Variants in ZNF208 observed in about 807,000 individuals in gnomAD.
The protein encoded by ZNF208 is zinc finger protein 95.
A neutral mutation model predicts 12.1 loss-of-function variants in ZNF208; 10 were observed. That is an observed-to-expected ratio of 0.83 (90% confidence interval 0.51 to 1.40). ZNF208 has a LOEUF of 1.40. Ranked by LOEUF, ZNF208 falls within the 40% of genes most tolerant of loss-of-function variation. ZNF208 has a pLI of 0.00. For synonymous variants in ZNF208, 497 were observed against 488.4 expected (o/e 1.02, Z -0.23); for missense variants, 1,652 against 1,485.0 (o/e 1.11, Z -1.85).
intron 4 of ZNF208, among the ~76,000 whole-genome samples, chr19:21,941,701 A>G (rs1164628272): frequency 6.6e-6 from 1 of 152,162 alleles, no homozygotes; most frequent in Non-Finnish European, 1.5e-5. Flanking sequence ...AGAAGAGTCA[A>G]TTGTATTTGT....
rs1404363847 is a variant in ZNF208, at chr19:21,971,646, T to C, written c.3388A>G (p.Lys1130Glu). 7.4e-6 allele frequency: 12 copies of C among 1,611,132 alleles called. No individual in the cohort carries two copies. The highest frequency in any genetic ancestry group is 3.3e-5 in the Admixed American group (2 of 59,750). The stretch of plus-strand genomic sequence containing the variant: ...TCTCCAGTATGAATTACCTTATGTT[T>C]AGTAAGGATTGAGAACGTACTAAAG... Reference protein sequence around the residue: ...KSFSTFSILTKHKVIHTGEKP... With the variant: ...KSFSTFSILTEHKVIHTGEKP... The change falls in exon 4 of 4, where the codon AAA (lysine) becomes GAA (glutamate). Residue 1130 changes from lysine (K) to glutamate (E), a missense_variant. Coordinates refer to ENST00000397126, the MANE Select transcript of ZNF208 (RefSeq NM_007153.3).
chr19:21,946,017 T>A (rs1242224167), intron 4 of ZNF208, among the ~76,000 whole-genome samples: 1 of 152,126 alleles, frequency 6.6e-6, no homozygotes, highest in Non-Finnish European at 1.5e-5. Flanking sequence ...AGATAAAAAT[T>A]TGCACACACC....
At chr19:21,998,960 T>C (rs889833878) in intron 1 of ZNF208, 2 of 151,848 alleles carry the variant, frequency 1.3e-5, no homozygotes, top group African/African-American at 2.4e-5. Context: ...GTCTTTGTCC[T>C]GTAATAGTAG....
intron 4 of ZNF208, among the ~76,000 whole-genome samples, chr19:21,948,055 G>A (rs1417736059): frequency 6.6e-6 from 1 of 152,128 alleles, no homozygotes; most frequent in Non-Finnish European, 1.5e-5. Context: ...AAGGAAGGTC[G>A]AGAAGTGGTA....
Position 21,989,723 on chromosome 19 carries a change from T to C in ZNF208, c.4-814A>G, listed in dbSNP as rs936546969. 2.0e-5 allele frequency among the ~76,000 whole-genome samples: 3 copies of C among 152,206 alleles called. No individual in the cohort carries two copies. The East Asian group carries it at 5.8e-4, about 29-fold the overall frequency. ...AACAGTGTAAAAGTGTTCCTATTTC[T>C]CCACATCCTCTCCAGCACCTGTTGT... On this transcript the variant is annotated intron_variant, in intron 1 of 3. Coordinates refer to ENST00000397126, the MANE Select transcript of ZNF208 (RefSeq NM_007153.3).
At chr19:21,985,054 TG>T (rs75943549) in intron 3 of ZNF208, among the ~76,000 whole-genome samples, 30,190 of 152,088 alleles carry the variant, frequency 0.2, 3,548 homozygotes, top group African/African-American at 0.32. Flanking sequence ...ATAAATATAC[TG>T]GAATATCACT....
At chr19:21,960,533 G>A (rs1385545360) in intron 4 of ZNF208, among the ~76,000 whole-genome samples, 1 of 152,152 alleles carries the variant, frequency 6.6e-6, no homozygotes. Context: ...AAAGAAAAAT[G>A]TCTTAGAGGT....
At chr19:21,960,590 T>C (rs902215104) in intron 4 of ZNF208, among the ~76,000 whole-genome samples, 7 of 152,284 alleles carry the variant, frequency 4.6e-5, no homozygotes, top group African/African-American at 1.7e-4. Flanking sequence ...GACTCTGATG[T>C]GTGCTGAAGT....
rs1332884366 is a variant in ZNF208 at position 21,971,599 on chromosome 19, T to C, written c.3435A>G (p.Glu1145=). The change falls in exon 4 of 4, where the codon GAA becomes GAG. Residue 1145 remains glutamate, a synonymous_variant. Coordinates refer to ENST00000397126, the MANE Select transcript of ZNF208 (RefSeq NM_007153.3). ...AGGACCACTTATAGGCTTTGCCACA[T>C]TCTTCACATTTGTAGGGTTTCTCTC... is the stretch of plus-strand genomic sequence containing the variant. ...HTGEKPYKCE[E]CGKAYKWSST... is the part of the protein sequence containing the mutation. 2.5e-6 allele frequency: 4 copies of C among 1,612,012 alleles called. No individual in the cohort carries two copies. The highest frequency in any genetic ancestry group is 3.4e-6 in the Non-Finnish European group (4 of 1,179,922).
chr19:21,964,677 A>C (rs915803142), downstream of ZNF208, among the ~76,000 whole-genome samples: 4 of 151,786 alleles, frequency 2.6e-5, no homozygotes, highest in Admixed American at 1.3e-4. Flanking sequence ...TTTATATTAA[A>C]ATCTAGGATT....
intron 3 of ZNF208, among the ~76,000 whole-genome samples, chr19:21,981,595 C>T (rs1213789937): frequency 6.6e-6 from 1 of 152,128 alleles, no homozygotes; most frequent in Non-Finnish European, 1.5e-5. Flanking sequence ...AACTGACAGA[C>T]AATATCATAC....
At chr19:21,950,658 T>A (rs1407215484) in intron 4 of ZNF208, among the ~76,000 whole-genome samples, 1 of 152,018 alleles carries the variant, frequency 6.6e-6, no homozygotes, top group Non-Finnish European at 1.5e-5. Context: ...CACACCCAGC[T>A]AATTTTTTTT....
downstream of ZNF208, chr19:21,965,640 CA>C (rs1177453535): frequency 6.6e-6 from 1 of 151,940 alleles, no homozygotes; most frequent in African/African-American, 2.4e-5. Flanking sequence ...TGAGCATTTG[CA>C]GCACTGTGGT....
At chr19:22,010,059 G>C (rs930816131) in intron 1 of ZNF208, among the ~76,000 whole-genome samples, 12 of 151,742 alleles carry the variant, frequency 7.9e-5, no homozygotes, top group African/African-American at 2.9e-4. Context: ...GTGGCGGGCG[G>C]CTGTAGTCCC....
At chr19:21,957,121 C>A (rs564386623) in intron 4 of ZNF208, among the ~76,000 whole-genome samples, 1 of 152,186 alleles carries the variant, frequency 6.6e-6, no homozygotes, top group African/African-American at 2.4e-5. Flanking sequence ...CTCACTGCAA[C>A]CTCTGCCTCC....
Position 21,988,784 on chromosome 19 carries a change from C to A in ZNF208, c.129G>T (p.Leu43=). 1 of 1,555,744 alleles carries A rather than the reference C, an allele frequency of 6.4e-7. No homozygotes were observed. The highest frequency in any genetic ancestry group is 8.7e-7 in the Non-Finnish European group (1 of 1,155,984). ...MLENYRNLVF[L]GIAAFKPDLI... is the part of the protein sequence containing the mutation. ...ATTGCGTATTAAAGTTATTCTCACC[C>A]AGGAAGACCAGGTTTCTGTAGTTCT... Residue 43 remains leucine, a splice_region_variant and synonymous_variant, in exon 2 of 4, where the codon CTG becomes CTT. Coordinates refer to ENST00000397126, the MANE Select transcript of ZNF208 (RefSeq NM_007153.3).
chr19:21,959,931 T>A (rs1007606707), intron 4 of ZNF208, among the ~76,000 whole-genome samples: 1 of 152,156 alleles, frequency 6.6e-6, no homozygotes, highest in Admixed American at 6.6e-5. Flanking sequence ...TTCAAAAAAA[T>A]TTGAGCTCAT....
chr19:22,010,670 A>C, intron 1 of ZNF208, 122 bp downstream of exon 1: 1 of 1,496,194 alleles, frequency 6.7e-7, no homozygotes. Flanking sequence ...CGAGCTAGGC[A>C]AGAACTCGGG....
chr19:21,985,660 C>G (rs1349789720), intron 3 of ZNF208, among the ~76,000 whole-genome samples: 1 of 152,182 alleles, frequency 6.6e-6, no homozygotes, highest in African/African-American at 2.4e-5. Context: ...CTTTGTCTTC[C>G]AGAAGCCTGG....
Sources: gnomAD v4.1 joint callset for allele counts (sites outside exome capture counted in the v4.1 genomes callset) on GRCh38, gnomAD v4.1.1 for gene constraint, MANE v1.5 for transcripts, NCBI Gene and HGNC (gene_info 2026-07-23, HGNC 2026-07-21) for gene names.